COL27A1: variants seen among roughly 807,000 people sequenced by gnomAD.
COL27A1 encodes collagen type XXVII alpha 1 chain.
A neutral mutation model predicts 251.3 loss-of-function variants in COL27A1; 106 were observed. The ratio of observed to expected loss-of-function variants is 0.42; its 90% CI spans 0.36 to 0.50. The LOEUF is 0.50. Among genes scored for constraint, COL27A1 ranks in the 20% least tolerant of loss-of-function variants. COL27A1 has a pLI of 0.00. For missense variants in COL27A1, 2,325 were observed against 2,522.8 expected (o/e 0.92, Z 1.68); for synonymous variants, 1,000 against 986.3 (o/e 1.01, Z -0.26).
At chr9:114,161,457 C>T (rs1276865773) in intron 1 of COL27A1, among the ~76,000 whole-genome samples, 1 of 152,130 alleles carries the variant, frequency 6.6e-6, no homozygotes, top group Non-Finnish European at 1.5e-5. Flanking sequence ...CATGTAATCA[C>T]CAGTGTCTTC....
intron 60 of COL27A1, 134 bp downstream of exon 60, chr9:114,309,612 T>G (rs754867713): frequency 5.9e-5 from 42 of 712,090 alleles, no homozygotes; most frequent in Non-Finnish European, 9.4e-5. Flanking sequence ...ATAGATATGA[T>G]TTCATCTTTG....
chr9:114,177,468 C>T (rs1241574924), intron 3 of COL27A1, among the ~76,000 whole-genome samples: 2 of 152,074 alleles, frequency 1.3e-5, no homozygotes, highest in Non-Finnish European at 2.9e-5. Flanking sequence ...GCAGGGAGAC[C>T]ACTGAGGGGG....
In COL27A1 at chr9:114,169,196, C is replaced by T. The variant is rs1445017350; in HGVS notation, c.1641C>T (p.Pro547=). ...IGSEASKKAG[P]KSSPRKPVPL... is the part of the protein sequence containing the mutation. Reference sequence around the variant, plus strand: ...CGGAAGCCTCAAAGAAAGCCGGACCCAAGAGCAGCCCCCGGAAGCCTGTCC... The same window carrying T: ...CGGAAGCCTCAAAGAAAGCCGGACCTAAGAGCAGCCCCCGGAAGCCTGTCC... Residue 547 remains proline (P), a synonymous_variant, in exon 3 of 61, where the codon CCC becomes CCT. Coordinates refer to ENST00000356083, the MANE Select transcript of COL27A1 (RefSeq NM_032888.4). 55 of 1,613,982 alleles carry T rather than the reference C, an allele frequency of 3.4e-5. No homozygotes were observed. Among genetic ancestry groups the T allele is most frequent in the Non-Finnish European group, 4.7e-5 (55 of 1,180,020 alleles).
chr9:114,227,290 A>G (rs1393913373), intron 14 of COL27A1, among the ~76,000 whole-genome samples: 2 of 149,754 alleles, frequency 1.3e-5, no homozygotes, highest in Non-Finnish European at 3.0e-5. Flanking sequence ...AGACATAGCA[A>G]TAGGAAAGGC....
rs1321971751 is a variant in COL27A1, at chr9:114,231,912, AC to A, written c.2565+52del. 4.4e-6 allele frequency: 7 copies of A among 1,586,556 alleles called. No individual in the cohort carries two copies. The East Asian group carries it at 6.7e-5, about 15-fold the overall frequency. On this transcript the variant is annotated intron_variant, in intron 16 of 60. Coordinates refer to ENST00000356083, the MANE Select transcript of COL27A1 (RefSeq NM_032888.4). Reference sequence around the variant, plus strand: ...TTGCACTGTGGTTTCTCTGCATGCCACCCCCCTCTCCGCCCGGAGGCTGCTG... The same window carrying A: ...TTGCACTGTGGTTTCTCTGCATGCCACCCCCTCTCCGCCCGGAGGCTGCTG...
intron 56 of COL27A1, 109 bp from the exon 57 acceptor site, chr9:114,304,499 T>C: frequency 1.0e-6 from 1 of 957,636 alleles, no homozygotes; most frequent in Non-Finnish European, 1.7e-6. Context: ...GCAGAGGGCA[T>C]ATGACTTGGC....
intron 44 of COL27A1, 85 bp from the exon 45 acceptor site, chr9:114,289,157 C>CCCCTCCCCCTCCAGGCGGAGACTGGCCA: frequency 3.2e-6 from 4 of 1,266,844 alleles, no homozygotes; most frequent in Non-Finnish European, 3.3e-6. Flanking sequence ...CCCCTCCCCA[C>CCCCTCCCCCTCCAGGCGGAGACTGGCCA]CCCTCCCCCT....
chr9:114,180,803 C>T (rs917269362), intron 4 of COL27A1, among the ~76,000 whole-genome samples: 4 of 152,150 alleles, frequency 2.6e-5, no homozygotes, highest in African/African-American at 7.2e-5. Flanking sequence ...CTATGTGCCT[C>T]GTTTCTCTGC....
At chr9:114,236,562 T>A (rs1442643536) in intron 17 of COL27A1, among the ~76,000 whole-genome samples, 1 of 152,116 alleles carries the variant, frequency 6.6e-6, no homozygotes, top group Admixed American at 6.5e-5. Context: ...GAGGCCCAGA[T>A]GTTGGCCAGC....
chr9:114,199,626 G>A (rs1217853164), intron 7 of COL27A1, among the ~76,000 whole-genome samples: 2 of 152,110 alleles, frequency 1.3e-5, no homozygotes, highest in African/African-American at 2.4e-5. Context: ...CTTCAAGAAC[G>A]CTCCCCAGCA....
chr9:114,241,023 G>A lies in COL27A1; in HGVS notation c.2835+536G>A, dbSNP rs117447086. Among the ~76,000 whole-genome samples, 456 of 152,368 alleles carry A rather than the reference G, an allele frequency of 3.0e-3. 2 individuals carry two copies. Among genetic ancestry groups the A allele is most frequent in the Admixed American group, 4.5e-3 (69 of 15,312 alleles). On this transcript the variant is annotated intron_variant, in intron 21 of 60. Transcript: ENST00000356083. ...GCTGTCAACTCTGTGCTTCCTGGGAGTGGCCTAGGGGCACCTCCAGAATAT... is the reference window on the plus strand; with the variant it reads ...GCTGTCAACTCTGTGCTTCCTGGGAATGGCCTAGGGGCACCTCCAGAATAT...
intron 23 of COL27A1, among the ~76,000 whole-genome samples, chr9:114,245,162 T>G (rs796077196): frequency 3.1e-4 from 44 of 143,566 alleles, no homozygotes; most frequent in East Asian, 1.6e-3. Context: ...TTTTTTTTTT[T>G]TTTTTTTTTT....
At chr9:114,159,141 T>G (rs1848322143) in intron 1 of COL27A1, among the ~76,000 whole-genome samples, 1 of 152,224 alleles carries the variant, frequency 6.6e-6, no homozygotes, top group South Asian at 2.1e-4. Flanking sequence ...TGAATACTTC[T>G]GTAATAGGCC....
At chr9:114,225,589 G>C (rs1332234019) in intron 14 of COL27A1, among the ~76,000 whole-genome samples, 1 of 152,212 alleles carries the variant, frequency 6.6e-6, no homozygotes, top group African/African-American at 2.4e-5. Context: ...TCTCCCCAAA[G>C]AGCTGGAAAG....
intron 5 of COL27A1, among the ~76,000 whole-genome samples, chr9:114,190,064 C>G (rs1212896742): frequency 6.6e-6 from 1 of 152,172 alleles, no homozygotes; most frequent in Non-Finnish European, 1.5e-5. Context: ...TAGTGAGAGG[C>G]CTAGTGAAAA....
chr9:114,287,827 C>T (rs374626726), intron 41 of COL27A1, among the ~76,000 whole-genome samples: 1 of 152,282 alleles, frequency 6.6e-6, no homozygotes, highest in African/African-American at 2.4e-5. Context: ...CAGGGACTCT[C>T]GGGTTGAGGG....
intron 3 of COL27A1, among the ~76,000 whole-genome samples, chr9:114,175,631 A>C (rs555912505): frequency 1.3e-5 from 2 of 152,260 alleles, no homozygotes; most frequent in South Asian, 4.2e-4. Context: ...CCTGAGTGGC[A>C]CTCAGAGTCT....
chr9:114,265,568 G>C (rs1834685042), intron 32 of COL27A1, 93 bp downstream of exon 32: 1 of 1,306,226 alleles, frequency 7.7e-7, no homozygotes, highest in Non-Finnish European at 1.1e-6. Context: ...GTTGGAAAGG[G>C]ACCATGCCTG....
intron 25 of COL27A1, among the ~76,000 whole-genome samples, chr9:114,251,234 G>A (rs924098022): frequency 1.3e-5 from 2 of 152,108 alleles, no homozygotes; most frequent in African/African-American, 4.8e-5. Context: ...GGGTTTATCC[G>A]ATCCCCAGAG....
Sources: allele counts gnomAD v4.1 joint callset (sites outside exome capture counted in the v4.1 genomes callset), GRCh38; gene constraint gnomAD v4.1.1; transcripts MANE v1.5; gene names NCBI Gene and HGNC (gene_info 2026-07-23, HGNC 2026-07-21).